PYHIN1: variants seen among roughly 807,000 people sequenced by gnomAD.
PYHIN1 encodes the protein pyrin and HIN domain family member 1, also known as pyrin and HIN domain-containing protein 1.
A neutral mutation model predicts 43.7 loss-of-function variants in PYHIN1; 32 were observed. The ratio of observed to expected loss-of-function variants is 0.73; its 90% CI spans 0.55 to 0.98. The LOEUF is 0.98. PYHIN1 is among the 50% of genes least tolerant of loss of function. The pLI is 0.00. For synonymous variants in PYHIN1, 205 were observed against 203.1 expected, an observed-to-expected ratio of 1.01 and a Z score of -0.08; for missense variants, 588 against 589.5, an observed-to-expected ratio of 1.00 and a Z score of 0.03.
Position 158,933,051 on chromosome 1 carries a change from C to T in PYHIN1, c.-21+1275C>T, listed in dbSNP as rs930035212. Reference sequence around the variant, plus strand: ...TCAAATTTGTAAAAATGTTTTTTTACCTTGTTCATTTAGTATTGGAAGATA... The same window carrying T: ...TCAAATTTGTAAAAATGTTTTTTTATCTTGTTCATTTAGTATTGGAAGATA... On this transcript the variant is annotated intron_variant, in intron 1 of 8. Transcript: ENST00000368140. The surrounding 1 kb of genome is among the most constrained non-coding windows in gnomAD (Gnocchi z 6.3). 2.0e-5 allele frequency among the ~76,000 whole-genome samples: 3 copies of T among 151,502 alleles called. No individual in the cohort carries two copies. The highest frequency in any genetic ancestry group is 4.4e-5 in the Non-Finnish European group (3 of 67,814).
At chr1:158,948,350 C>T (rs1571740763) in intron 7 of PYHIN1, among the ~76,000 whole-genome samples, 1 of 152,122 alleles carries the variant, frequency 6.6e-6, no homozygotes, top group South Asian at 2.1e-4. Context: ...TTTTAAGTTG[C>T]TTTATGTCTG....
downstream of PYHIN1, among the ~76,000 whole-genome samples, chr1:158,978,678 T>C (rs1651385716): frequency 6.6e-6 from 1 of 152,144 alleles, no homozygotes; most frequent in Admixed American, 6.6e-5. Flanking sequence ...CTTTGTCTAA[T>C]GTGTTTGCTG....
intron 7 of PYHIN1, among the ~76,000 whole-genome samples, chr1:158,958,008 CTCA>C (rs1371501231): frequency 6.6e-6 from 1 of 152,152 alleles, no homozygotes; most frequent in Admixed American, 6.5e-5. Context: ...TGAAAAAATG[CTCA>C]TCATCACTGG....
intron 1 of PYHIN1, among the ~76,000 whole-genome samples, chr1:158,935,949 T>G (rs1648511325): frequency 6.6e-6 from 1 of 152,196 alleles, no homozygotes; most frequent in Non-Finnish European, 1.5e-5. Flanking sequence ...TTCAATGGGA[T>G]GAATTACTTG....
chr1:158,939,191 C>T lies in PYHIN1; in HGVS notation c.523C>T (p.Arg175Cys), dbSNP rs564929622. 2.0e-5 allele frequency: 33 copies of T among 1,613,594 alleles called. No individual in the cohort carries two copies. In the East Asian group the frequency reaches 6.5e-4, roughly 32 times the overall value. Residue 175 changes from arginine to cysteine, a missense_variant, in exon 4 of 9, where the codon CGT becomes TGT. Transcript: ENST00000368140. ...AGASTSTAMG[R>C]SPPPQTSSSA... ...AGCCAGCACGTCCACAGCCATGGGCCGTTCCCCACCTCCCCAGACCTCATC... is the reference window on the plus strand; with the variant it reads ...AGCCAGCACGTCCACAGCCATGGGCTGTTCCCCACCTCCCCAGACCTCATC...
At chr1:158,969,862 A>AG in intron 7 of PYHIN1, among the ~76,000 whole-genome samples, 1 of 150,270 alleles carries the variant, frequency 6.7e-6, no homozygotes, top group Middle Eastern at 3.4e-3. Flanking sequence ...AACTCCCTTA[A>AG]TACAATAATT....
chr1:158,943,771 T>C lies in PYHIN1; in HGVS notation c.1003-19T>C. On this transcript the variant is annotated intron_variant, in intron 5 of 8. Transcript: ENST00000368140. ...AGTTACTATGTTCTCACAAACATGATATTAATTTTTTGTTGCAGAAAATTG... is the reference window on the plus strand; with the variant it reads ...AGTTACTATGTTCTCACAAACATGACATTAATTTTTTGTTGCAGAAAATTG... 1.9e-6 allele frequency: 3 copies of C among 1,576,020 alleles called. No individual in the cohort carries two copies. The highest frequency in any genetic ancestry group is 2.6e-6 in the Non-Finnish European group (3 of 1,151,082).
At chr1:158,985,917 T>C in the PYHIN1 span, among the ~76,000 whole-genome samples, 1 of 152,202 alleles carries the variant, frequency 6.6e-6, no homozygotes, top group African/African-American at 2.4e-5. Flanking sequence ...AGCTCTGAGA[T>C]TTCTTTCCTC....
chr1:158,947,595 G>A (rs1649292762), intron 7 of PYHIN1, among the ~76,000 whole-genome samples: 1 of 152,204 alleles, frequency 6.6e-6, no homozygotes, highest in Non-Finnish European at 1.5e-5. Flanking sequence ...AACAACAGAT[G>A]AATAACATAC....
intron 7 of PYHIN1, among the ~76,000 whole-genome samples, chr1:158,963,328 G>A (rs886995428): frequency 1.3e-5 from 2 of 152,158 alleles, no homozygotes; most frequent in African/African-American, 4.8e-5. Flanking sequence ...CAGCACAGCT[G>A]CCCCATCTTT....
At chr1:158,987,413 T>C in the PYHIN1 span, among the ~76,000 whole-genome samples, 2 of 152,190 alleles carry the variant, frequency 1.3e-5, no homozygotes, top group Non-Finnish European at 2.9e-5. Context: ...TAGGTGGTCT[T>C]TATTATTAAG....
chr1:158,947,092 A>G (rs1571738611), intron 7 of PYHIN1, among the ~76,000 whole-genome samples: 1 of 152,194 alleles, frequency 6.6e-6, no homozygotes, highest in African/African-American at 2.4e-5. Flanking sequence ...GCTTCACAAC[A>G]TCATAATTAC....
chr1:158,980,941 T>C (rs1259915294), downstream of PYHIN1, among the ~76,000 whole-genome samples: 5 of 152,128 alleles, frequency 3.3e-5, no homozygotes, highest in Admixed American at 6.5e-5. Context: ...GCGGGCATCA[T>C]GGTCCTACCG....
At chr1:158,949,747 G>A (rs1649429365) in intron 7 of PYHIN1, among the ~76,000 whole-genome samples, 1 of 152,148 alleles carries the variant, frequency 6.6e-6, no homozygotes, top group Non-Finnish European at 1.5e-5. Context: ...ATTCCATGGT[G>A]TATATGTGCC....
At chr1:158,956,022 C>G (rs1430445771) in intron 7 of PYHIN1, among the ~76,000 whole-genome samples, 1 of 144,698 alleles carries the variant, frequency 6.9e-6, no homozygotes, top group South Asian at 2.1e-4. Context: ...ATAAATTCCT[C>G]AACACATACA....
intron 2 of PYHIN1, among the ~76,000 whole-genome samples, chr1:158,937,819 A>G (rs1010491511): frequency 2.6e-5 from 4 of 151,910 alleles, no homozygotes; most frequent in Non-Finnish European, 5.9e-5. Context: ...GGTGGCAGGC[A>G]CCTGTAGTCC....
At chr1:158,967,460 GA>G (rs1214074596) in intron 7 of PYHIN1, among the ~76,000 whole-genome samples, 1 of 151,778 alleles carries the variant, frequency 6.6e-6, no homozygotes, top group African/African-American at 2.4e-5. Context: ...AAACAAATAG[GA>G]AAAGTTCCAT....
intron 7 of PYHIN1, among the ~76,000 whole-genome samples, chr1:158,957,798 T>C (rs184789095): frequency 0.11 from 15,845 of 144,802 alleles, 978 homozygotes; most frequent in Non-Finnish European, 0.12. Flanking sequence ...CAAAAGAAAC[T>C]ACCATCAGAG....
At chr1:158,939,792 G>A (rs1452827287) in intron 4 of PYHIN1, 4 of 479,694 alleles carry the variant, frequency 8.3e-6, no homozygotes, top group African/African-American at 7.7e-5. Context: ...TATGACAACT[G>A]AAGTTAATAA....
Sources: gnomAD v4.1 joint callset for allele counts (sites outside exome capture counted in the v4.1 genomes callset) on GRCh38, gnomAD v4.1.1 for gene constraint, Gnocchi (gnomAD v3.1) non-coding constraint, MANE v1.5 for transcripts, NCBI Gene and HGNC (gene_info 2026-07-23, HGNC 2026-07-21) for gene names.